Variants in CSMD2 observed in about 807,000 individuals in gnomAD.
CSMD2 encodes the protein CUB and Sushi multiple domains 2, also known as CUB and sushi domain-containing protein 2.
A neutral mutation model predicts 398.5 loss-of-function variants in CSMD2; 130 were observed. The ratio of observed to expected loss-of-function variants is 0.33; its 90% CI spans 0.28 to 0.38. The LOEUF (loss-of-function observed/expected upper bound fraction) is 0.38. CSMD2 is among the 10% of genes least tolerant of loss of function. The probability of loss-of-function intolerance (pLI) is 1.00; values close to 1 mark genes in which losing one functional copy is unlikely to be tolerated. For missense variants in CSMD2, 3,829 were observed against 4,764.9 expected (o/e 0.80, Z 5.78); for synonymous variants, 1,828 against 1,908.5 (o/e 0.96, Z 1.10).
intron 29 of CSMD2, 117 bp downstream of exon 29, chr1:33,646,531 G>A: frequency 1.8e-6 from 2 of 1,094,002 alleles, no homozygotes; most frequent in South Asian, 1.5e-5. Context: ...GCAGTGCTAG[G>A]GTTGGTGTGG....
intron 4 of CSMD2, among the ~76,000 whole-genome samples, chr1:33,928,612 A>G (rs1644206390): frequency 6.6e-6 from 1 of 152,244 alleles, no homozygotes; most frequent in Non-Finnish European, 1.5e-5. Context: ...TGGCAAGGCC[A>G]GGATTTGAAT....
Position 33,518,975 on chromosome 1 carries a change from C to G in CSMD2, c.*53+490G>C, listed in dbSNP as rs1433195353. Among the ~76,000 whole-genome samples the G allele has an allele frequency of 6.6e-6, 1 of 151,898 alleles. No individual in the cohort carries two copies. The highest frequency in any genetic ancestry group is 2.4e-5 in the African/African-American group (1 of 41,320). On this transcript the variant is annotated intron_variant, in intron 70 of 70. Transcript: ENST00000373381. This position sits in a 1 kb window ranked among gnomAD's most constrained non-coding sequence, Gnocchi z 4.3. ...GAATGTATATATATACACAATATAC[C>G]TATATACACAGATATATGTGCATCT...
At chr1:34,150,762 GA>G (rs901008231) in intron 1 of CSMD2, among the ~76,000 whole-genome samples, 19 of 150,476 alleles carry the variant, frequency 1.3e-4, no homozygotes, top group South Asian at 4.2e-4. Context: ...AAAAAGTTTA[GA>G]AAAAAAAATA....
Position 34,163,799 on chromosome 1 carries a change from C to T in CSMD2, c.187+1112G>A, listed in dbSNP as rs1485026072. Among the ~76,000 whole-genome samples, 1 of 152,166 alleles carries T rather than the reference C, an allele frequency of 6.6e-6. No homozygotes were observed. The highest frequency in any genetic ancestry group is 2.1e-4 in the South Asian group (1 of 4,826). On this transcript the variant is annotated intron_variant, in intron 1 of 70. Coordinates refer to ENST00000373381, the MANE Select transcript of CSMD2 (RefSeq NM_001281956.2). The surrounding 1 kb of genome is among the most constrained non-coding windows in gnomAD (Gnocchi z 5.4). ...AATGAAAATGCGGTTCCAGGCATCC[C>T]GGTTTGGACCCGTCTCCACCCGGGC...
intron 5 of CSMD2, among the ~76,000 whole-genome samples, chr1:33,908,608 C>T (rs538720009): frequency 6.6e-6 from 1 of 152,366 alleles, no homozygotes; most frequent in South Asian, 2.1e-4. Flanking sequence ...TTTAGCAGAG[C>T]CGCTGTGCCC....
chr1:33,595,675 G>A (rs931196465), intron 44 of CSMD2, among the ~76,000 whole-genome samples: 6 of 152,302 alleles, frequency 3.9e-5, no homozygotes, highest in African/African-American at 1.4e-4. Context: ...CTCCAAGCCA[G>A]ATTCTATGTC....
chr1:33,762,428 C>A (rs941778625), intron 13 of CSMD2, among the ~76,000 whole-genome samples: 3 of 152,226 alleles, frequency 2.0e-5, no homozygotes, highest in African/African-American at 7.2e-5. Flanking sequence ...CCTCATTCCC[C>A]TATAAGTAGA....
At chr1:33,543,734 C>A (rs898421948) in intron 57 of CSMD2, among the ~76,000 whole-genome samples, 1 of 152,170 alleles carries the variant, frequency 6.6e-6, no homozygotes, top group Non-Finnish European at 1.5e-5. Context: ...AGCTAGAGTT[C>A]TTTAGGAAAG....
intron 19 of CSMD2, 57 bp from the exon 20 acceptor site, chr1:33,716,558 C>T: frequency 1.7e-6 from 2 of 1,143,840 alleles, no homozygotes; most frequent in Non-Finnish European, 2.4e-6. Flanking sequence ...AGAACCTCAG[C>T]TGCAAGACAG....
chr1:34,119,399 C>G (rs1003714746), intron 1 of CSMD2, among the ~76,000 whole-genome samples: 2 of 152,058 alleles, frequency 1.3e-5, no homozygotes, highest in African/African-American at 4.8e-5. Flanking sequence ...GCACAGGCAA[C>G]AAAAGCAAAA....
intron 56 of CSMD2, 51 bp downstream of exon 56, chr1:33,550,126 C>T (rs1657298659): frequency 6.4e-7 from 1 of 1,571,660 alleles, no homozygotes; most frequent in Non-Finnish European, 8.7e-7. Flanking sequence ...GTCTACCTCC[C>T]ATCAGTCAAG....
intron 5 of CSMD2, among the ~76,000 whole-genome samples, chr1:33,914,169 T>C (rs1270796410): frequency 6.6e-6 from 1 of 152,182 alleles, no homozygotes; most frequent in East Asian, 1.9e-4. Context: ...GCCAAGTGAC[T>C]GGGTCAGAGC....
chr1:34,011,557 A>T (rs1647327657), intron 3 of CSMD2, among the ~76,000 whole-genome samples: 1 of 152,122 alleles, frequency 6.6e-6, no homozygotes, highest in African/African-American at 2.4e-5. Context: ...GTGAGTGAAA[A>T]GCCTATAAGT....
At chr1:33,973,951 T>A (rs1021131815) in intron 3 of CSMD2, among the ~76,000 whole-genome samples, 16 of 152,124 alleles carry the variant, frequency 1.1e-4, no homozygotes, top group African/African-American at 3.9e-4. Context: ...AGAACTGCCC[T>A]CTGCTCAGCC....
At chr1:34,014,969 G>A (rs1486763811) in intron 3 of CSMD2, among the ~76,000 whole-genome samples, 2 of 152,194 alleles carry the variant, frequency 1.3e-5, no homozygotes, top group Admixed American at 6.5e-5. Flanking sequence ...AGCTGGGTGT[G>A]CAGCACAGGA....
At chr1:33,937,156 C>CAG (rs1644505665) in intron 3 of CSMD2, among the ~76,000 whole-genome samples, 1 of 152,196 alleles carries the variant, frequency 6.6e-6, no homozygotes. Flanking sequence ...GTGCTTAGGA[C>CAG]AGAGCCTGAT....
chr1:33,762,095 C>T (rs555006089), intron 13 of CSMD2, among the ~76,000 whole-genome samples: 10 of 152,322 alleles, frequency 6.6e-5, no homozygotes, highest in South Asian at 4.1e-4. Flanking sequence ...GTGCCTTCCC[C>T]GAGGACCACA....
At chr1:33,894,842 G>A (rs1238410866) in intron 5 of CSMD2, among the ~76,000 whole-genome samples, 1 of 152,140 alleles carries the variant, frequency 6.6e-6, no homozygotes, top group Non-Finnish European at 1.5e-5. Flanking sequence ...TGGGGCATCC[G>A]GGTCACTGAC....
At chr1:34,090,861 G>A (rs1658482313) in intron 1 of CSMD2, among the ~76,000 whole-genome samples, 2 of 152,112 alleles carry the variant, frequency 1.3e-5, no homozygotes, top group Non-Finnish European at 2.9e-5. Context: ...AAGTATACAA[G>A]GCTTTCCACA....
Sources: gnomAD v4.1 joint callset for allele counts (sites outside exome capture counted in the v4.1 genomes callset) on GRCh38, gnomAD v4.1.1 for gene constraint, Gnocchi (gnomAD v3.1) non-coding constraint, MANE v1.5 for transcripts, NCBI Gene and HGNC (gene_info 2026-07-23, HGNC 2026-07-21) for gene names.